PPP1CC: variants seen among roughly 807,000 people sequenced by gnomAD.
PPP1CC encodes serine/threonine-protein phosphatase PP1-gamma catalytic subunit.
Under a neutral mutation model 38.4 loss-of-function variants are expected in PPP1CC, and 16 were observed. The observed-to-expected ratio is 0.42, with a 90% CI of 0.28 to 0.63. The LOEUF is 0.63. PPP1CC is among the 30% of genes least tolerant of loss of function. The pLI is 0.25. For missense variants in PPP1CC, 170 were observed against 391.3 expected (o/e 0.43, Z 4.77); for synonymous variants, 158 against 136.0 (o/e 1.16, Z -1.13).
downstream of PPP1CC, among the ~76,000 whole-genome samples, chr12:110,718,298 A>T (rs2069703314): frequency 6.6e-6 from 1 of 152,226 alleles, no homozygotes; most frequent in Admixed American, 6.5e-5. Context: ...GCGACTAAGG[A>T]TGCCTAGCAC....
At chr12:110,711,554 G>C in the PPP1CC span, among the ~76,000 whole-genome samples, 2 of 152,078 alleles carry the variant, frequency 1.3e-5, no homozygotes, top group Non-Finnish European at 2.9e-5. Context: ...TAAGTTATTG[G>C]TAATATTCTA....
chr12:110,742,789 A>G lies in PPP1CC; in HGVS notation c.-82T>C. ...CTCACACCTCCTTTCCCACGCCACG[A>G]GCAGAGGCGGTGGTGGCGGCGGTGG... is the stretch of plus-strand genomic sequence containing the variant. On this transcript the variant is annotated 5_prime_UTR_variant, in exon 1 of 7. Coordinates refer to ENST00000335007, the MANE Select transcript of PPP1CC (RefSeq NM_002710.4). 1 of 1,178,790 alleles carries G rather than the reference A, an allele frequency of 8.5e-7. No individual in the cohort carries two copies. The highest frequency in any genetic ancestry group is 1.1e-6 in the Non-Finnish European group (1 of 912,280). The allele number at this position is 1,178,790 out of a possible 1,614,324, so 73.0% of individuals were successfully genotyped here. A position where few individuals can be genotyped will look rare whatever the true frequency, so the allele number is the denominator to read the frequency against.
chr12:110,730,419 G>T, intron 3 of PPP1CC, 110 bp downstream of exon 3: 1 of 867,858 alleles, frequency 1.2e-6, no homozygotes. Flanking sequence ...CATGAGAGAT[G>T]ATACCACTGC....
chr12:110,718,336 T>A (rs2069703571), downstream of PPP1CC, among the ~76,000 whole-genome samples: 1 of 152,150 alleles, frequency 6.6e-6, no homozygotes, highest in Non-Finnish European at 1.5e-5. Context: ...TTTGTAATGG[T>A]GCTGTCATCT....
intron 3 of PPP1CC, 179 bp from the exon 4 acceptor site, chr12:110,724,943 G>A: frequency 2.5e-6 from 1 of 392,398 alleles, no homozygotes; most frequent in Non-Finnish European, 4.8e-6. Flanking sequence ...TAAAATAAGA[G>A]CTGGGCGTGG....
the PPP1CC span, among the ~76,000 whole-genome samples, chr12:110,708,429 T>A: frequency 6.6e-6 from 1 of 152,162 alleles, no homozygotes; most frequent in Non-Finnish European, 1.5e-5. Context: ...ACATGCACAA[T>A]GAAAATATTA....
chr12:110,714,514 G>A, the PPP1CC span, among the ~76,000 whole-genome samples: 7 of 152,032 alleles, frequency 4.6e-5, no homozygotes, highest in Admixed American at 4.6e-4. Context: ...GATATGTGGT[G>A]TTTGTAGGTC....
chr12:110,727,549 CAACA>C (rs1455369584), intron 3 of PPP1CC, among the ~76,000 whole-genome samples: 3 of 150,536 alleles, frequency 2.0e-5, no homozygotes, highest in Admixed American at 6.6e-5. Context: ...AGAAACAGAT[CAACA>C]AACACTCATG....
At chr12:110,710,718 A>C in the PPP1CC span, among the ~76,000 whole-genome samples, 2 of 59,286 alleles carry the variant, frequency 3.4e-5, no homozygotes, top group Non-Finnish European at 6.0e-5. Flanking sequence ...ACTCTGTCTC[A>C]AAAAAAAAAA....
downstream of PPP1CC, among the ~76,000 whole-genome samples, chr12:110,714,863 T>C (rs947780928): frequency 4.4e-5 from 5 of 114,702 alleles, no homozygotes; most frequent in Admixed American, 1.8e-4. Context: ...TATGGTAAAC[T>C]AACAGCAGGT....
intron 1 of PPP1CC, among the ~76,000 whole-genome samples, chr12:110,735,873 T>C (rs1358002717): frequency 6.6e-6 from 1 of 152,074 alleles, no homozygotes; most frequent in Non-Finnish European, 1.5e-5. Context: ...GAGACCAGCC[T>C]GGCCAACATG....
intron 1 of PPP1CC, among the ~76,000 whole-genome samples, chr12:110,738,065 A>G (rs566989267): frequency 6.6e-6 from 1 of 152,352 alleles, no homozygotes; most frequent in African/African-American, 2.4e-5. Flanking sequence ...TTCACAGTCT[A>G]AGAACACATT....
At chr12:110,710,434 T>TA in the PPP1CC span, among the ~76,000 whole-genome samples, 1 of 151,690 alleles carries the variant, frequency 6.6e-6, no homozygotes, top group Admixed American at 6.6e-5. Context: ...AAAACAAAAA[T>TA]TAGGCTGGGT....
At chr12:110,740,908 G>A (rs1033501776) in intron 1 of PPP1CC, among the ~76,000 whole-genome samples, 1 of 152,198 alleles carries the variant, frequency 6.6e-6, no homozygotes, top group South Asian at 2.1e-4. Context: ...GAGAAATAAA[G>A]CCACACATAT....
At chr12:110,729,062 C>T (rs2069842367) in intron 3 of PPP1CC, among the ~76,000 whole-genome samples, 2 of 152,090 alleles carry the variant, frequency 1.3e-5, no homozygotes, top group Non-Finnish European at 2.9e-5. Context: ...ACCTGAAGTT[C>T]CTTAACCACC....
chr12:110,727,071 G>T (rs558742061), intron 3 of PPP1CC, among the ~76,000 whole-genome samples: 8 of 152,254 alleles, frequency 5.3e-5, no homozygotes, highest in Non-Finnish European at 1.0e-4. Flanking sequence ...CTGAGTGTCC[G>T]CGACTACAGG....
intron 6 of PPP1CC, 196 bp downstream of exon 6, chr12:110,721,939 G>C (rs1368328435): frequency 1.8e-6 from 1 of 563,692 alleles, no homozygotes; most frequent in African/African-American, 1.9e-5. Context: ...TCAACACTGG[G>C]AAAAGGTGCC....
rs183460779 is a variant in PPP1CC, at chr12:110,722,895, C to A, written c.524-200G>T. On this transcript the variant is annotated intron_variant, in intron 4 of 6. Transcript: ENST00000335007. This position sits in a 1 kb window ranked among gnomAD's most constrained non-coding sequence, Gnocchi z 5.4. ...ACTGGATACACACTAGAATTACATG[C>A]AGTAATGCATGGGGTGCAGTAGGTT... 2.5e-3 allele frequency among the ~76,000 whole-genome samples: 377 copies of A among 152,198 alleles called. 1 individual carries two copies. Among genetic ancestry groups the A allele is most frequent in the Admixed American group, 5.0e-3 (77 of 15,306 alleles).
intron 3 of PPP1CC, chr12:110,725,208 A>G (rs2069783083): frequency 6.5e-6 from 1 of 152,786 alleles, no homozygotes; most frequent in Admixed American, 6.5e-5. Flanking sequence ...AAGGACTGCC[A>G]TCAAATCCCA....
Sources: allele counts gnomAD v4.1 joint callset (sites outside exome capture counted in the v4.1 genomes callset), GRCh38; gene constraint gnomAD v4.1.1; non-coding constraint Gnocchi (gnomAD v3.1); transcripts MANE v1.5; gene names NCBI Gene and HGNC (gene_info 2026-07-23, HGNC 2026-07-21).